JAM3: variants seen among roughly 807,000 people sequenced by gnomAD.
The protein encoded by JAM3 is junctional adhesion molecule C.
JAM3 carries 31 observed loss-of-function variants against 39.4 expected under a neutral mutation model. That is an observed-to-expected ratio of 0.79 (90% CI 0.59 to 1.06). The LOEUF (loss-of-function observed/expected upper bound fraction) is 1.06. JAM3 is among the 50% of genes least tolerant of loss of function. The probability of loss-of-function intolerance (pLI) is 0.00; values close to 1 mark genes in which losing one functional copy is unlikely to be tolerated. For synonymous variants in JAM3, 182 were observed against 148.7 expected, an observed-to-expected ratio of 1.22 and a Z score of -1.63; for missense variants, 455 against 391.4, an observed-to-expected ratio of 1.16 and a Z score of -1.37.
At chr11:134,142,683 T>A (rs1289357107) in intron 3 of JAM3, among the ~76,000 whole-genome samples, 1 of 152,184 alleles carries the variant, frequency 6.6e-6, no homozygotes, top group Non-Finnish European at 1.5e-5. Context: ...GGGTTTTTAA[T>A]ATACTCACAG....
At chr11:134,149,019 C>CGCTAGTGATGG (rs752915454) in intron 8 of JAM3, 127 bp from the exon 9 acceptor site, 86 of 1,162,206 alleles carry the variant, frequency 7.4e-5, no homozygotes, top group Non-Finnish European at 1.0e-4. Context: ...GCTTTGCAAG[C>CGCTAGTGATGG]GCTAGTGATG....
At chr11:134,095,627 C>T (rs894589420) in intron 1 of JAM3, among the ~76,000 whole-genome samples, 1 of 137,294 alleles carries the variant, frequency 7.3e-6, no homozygotes, top group Non-Finnish European at 1.6e-5. Context: ...GAGACTCTGT[C>T]AAAAAAAAAA....
At chr11:134,141,575 CTA>C (rs1480321829) in intron 3 of JAM3, among the ~76,000 whole-genome samples, 3 of 152,040 alleles carry the variant, frequency 2.0e-5, no homozygotes, top group African/African-American at 7.2e-5. Context: ...GTGGCTGCAT[CTA>C]TGTTTCAGAA....
intron 1 of JAM3, among the ~76,000 whole-genome samples, chr11:134,137,358 T>C (rs1942886524): frequency 6.6e-6 from 1 of 152,228 alleles, no homozygotes; most frequent in South Asian, 2.1e-4. Context: ...ATTTCCACCA[T>C]TTTGACCAAT....
At chr11:134,078,815 G>T (rs1384316192) in intron 1 of JAM3, among the ~76,000 whole-genome samples, 9 of 152,248 alleles carry the variant, frequency 5.9e-5, no homozygotes, top group Non-Finnish European at 1.5e-5. Context: ...AAGGCAGGTG[G>T]ATCACCTGAG....
At chr11:134,135,199 T>G (rs918028668) in intron 1 of JAM3, among the ~76,000 whole-genome samples, 1 of 152,252 alleles carries the variant, frequency 6.6e-6, no homozygotes, top group Non-Finnish European at 1.5e-5. Flanking sequence ...TGTATTTGAC[T>G]TAATATAAGG....
chr11:134,146,215 A>T (rs1237210232), intron 6 of JAM3, among the ~76,000 whole-genome samples, 170 bp downstream of exon 6: 1 of 152,170 alleles, frequency 6.6e-6, no homozygotes, highest in Non-Finnish European at 1.5e-5. Flanking sequence ...AGGCTGAGAA[A>T]ACCGAGTCCA....
At chr11:134,119,117 A>G (rs624504) in intron 1 of JAM3, among the ~76,000 whole-genome samples, 59,949 of 151,574 alleles carry the variant, frequency 0.4, 12,889 homozygotes, top group African/African-American at 0.58. Context: ...GTAGAGACAG[A>G]GTTCCGCCAT....
intron 1 of JAM3, among the ~76,000 whole-genome samples, chr11:134,092,979 G>A (rs1305070373): frequency 7.0e-6 from 1 of 143,286 alleles, no homozygotes; most frequent in African/African-American, 2.6e-5. Context: ...CTTCTCCTCA[G>A]CCCTCCTTAT....
chr11:134,085,172 C>A (rs1941728158), intron 1 of JAM3, among the ~76,000 whole-genome samples: 1 of 152,146 alleles, frequency 6.6e-6, no homozygotes, highest in Non-Finnish European at 1.5e-5. Context: ...TGAGTTTTCT[C>A]ATGTCAAAGG....
chr11:134,139,421 C>T (rs968958288), intron 1 of JAM3, among the ~76,000 whole-genome samples: 1 of 152,184 alleles, frequency 6.6e-6, no homozygotes, highest in African/African-American at 2.4e-5. Flanking sequence ...GGAAGAGTTC[C>T]AGCCCAAGAG....
At chr11:134,139,657 C>T in intron 1 of JAM3, 194 bp from the exon 2 acceptor site, 1 of 613,312 alleles carries the variant, frequency 1.6e-6, no homozygotes, top group Non-Finnish European at 2.9e-6. Context: ...CCCTTGGCTC[C>T]TTCCAGTGAA....
chr11:134,145,059 A>C, intron 5 of JAM3, 65 bp downstream of exon 5: 1 of 1,317,868 alleles, frequency 7.6e-7, no homozygotes. Context: ...GCTTATTGTG[A>C]AAAGAAGATT....
Position 134,121,821 on chromosome 11 carries a change from G to GCGCGCGCA in JAM3, c.77-18029_77-18028insGCGCGCAC, listed in dbSNP as rs369702081. Among the ~76,000 whole-genome samples, 331 of 148,514 alleles carry GCGCGCGCA rather than the reference G, an allele frequency of 2.2e-3. 1 individual carries two copies. Among genetic ancestry groups the GCGCGCGCA allele is most frequent in the African/African-American group, 7.8e-3 (317 of 40,640 alleles). On this transcript the variant is annotated intron_variant, in intron 1 of 8. Coordinates refer to ENST00000299106, the MANE Select transcript of JAM3 (RefSeq NM_032801.5). ...TGATGGACACTGCGTGCATGTGTGC[G>GCGCGCGCA]CACACACACACACACACACACACAC...
rs73042005 is a variant in JAM3 at position 134,119,222 on chromosome 11, G to A, written c.77-20629G>A. Among the ~76,000 whole-genome samples the A allele has an allele frequency of 1.0e-2, 1,515 of 152,162 alleles. 17 individuals are homozygous for A. The highest frequency in any genetic ancestry group is 0.038 in the South Asian group (182 of 4,828). Reference sequence around the variant, plus strand: ...ATCACAGGCATGAGTCAGCACGACTGGCAAGAAGTCTTTGGTGGTTTGGGT... The same window carrying A: ...ATCACAGGCATGAGTCAGCACGACTAGCAAGAAGTCTTTGGTGGTTTGGGT... On this transcript the variant is annotated intron_variant, in intron 1 of 8. Transcript: ENST00000299106.
At chr11:134,077,536 G>A (rs945274973) in intron 1 of JAM3, among the ~76,000 whole-genome samples, 5 of 149,244 alleles carry the variant, frequency 3.4e-5, no homozygotes, top group African/African-American at 1.2e-4. Flanking sequence ...GCTAATTTTT[G>A]TATTTTTAGT....
chr11:134,124,382 A>AAGG, intron 1 of JAM3: 1 of 632,776 alleles, frequency 1.6e-6, no homozygotes, highest in Non-Finnish European at 2.9e-6. Context: ...AAAGTGAAAG[A>AAGG]AATCAATAAA....
intron 1 of JAM3, among the ~76,000 whole-genome samples, chr11:134,107,616 A>G (rs1942220748): frequency 6.6e-6 from 1 of 152,232 alleles, no homozygotes; most frequent in Non-Finnish European, 1.5e-5. Flanking sequence ...ATTCGAAAAG[A>G]AGAAAGGTCT....
intron 1 of JAM3, chr11:134,123,753 A>G: frequency 1.5e-6 from 1 of 645,498 alleles, no homozygotes; most frequent in Non-Finnish European, 2.8e-6. Flanking sequence ...AAGATTCCAG[A>G]TTCACATTTC....
Sources: allele counts gnomAD v4.1 joint callset (sites outside exome capture counted in the v4.1 genomes callset), GRCh38; gene constraint gnomAD v4.1.1; transcripts MANE v1.5; gene names NCBI Gene and HGNC (gene_info 2026-07-23, HGNC 2026-07-21).